The following TTC28 variants were observed in gnomAD, a reference collection of about 807,000 sequenced individuals.
TTC28 encodes the protein tetratricopeptide repeat protein 28.
Under a neutral mutation model 198.0 loss-of-function variants are expected in TTC28, and 61 were observed. That is an observed-to-expected ratio of 0.31 (90% CI 0.25 to 0.38). The LOEUF is 0.38. Among genes scored for constraint, TTC28 ranks in the 10% least tolerant of loss-of-function variants. The pLI, the probability that TTC28 is intolerant of heterozygous loss-of-function variation, is 1.00. For synonymous variants in TTC28, 1,171 were observed against 1,297.8 expected (o/e 0.90, Z 2.10); for missense variants, 2,678 against 3,164.0 (o/e 0.85, Z 3.69).
chr22:28,322,532 CT>C (rs1170950123), intron 2 of TTC28, among the ~76,000 whole-genome samples: 1 of 152,044 alleles, frequency 6.6e-6, no homozygotes, highest in East Asian at 1.9e-4. Context: ...CAAAAGGTGA[CT>C]TATAATATGT....
chr22:28,262,723 G>A (rs1385626857), intron 5 of TTC28, among the ~76,000 whole-genome samples: 1 of 152,188 alleles, frequency 6.6e-6, no homozygotes, highest in African/African-American at 2.4e-5. Flanking sequence ...CCAAGGAGCT[G>A]TGACTGACTC....
intron 5 of TTC28, among the ~76,000 whole-genome samples, chr22:28,239,421 T>C (rs1241674442): frequency 6.6e-6 from 1 of 152,146 alleles, no homozygotes; most frequent in African/African-American, 2.4e-5. Context: ...ATCAATGACT[T>C]TTCTTAAATC....
intron 6 of TTC28, among the ~76,000 whole-genome samples, chr22:28,149,135 T>A (rs1943546602): frequency 6.6e-6 from 1 of 152,212 alleles, no homozygotes; most frequent in Non-Finnish European, 1.5e-5. Context: ...AGCCTATTGT[T>A]CCTAGGCTAC....
intron 13 of TTC28, among the ~76,000 whole-genome samples, chr22:28,020,712 C>T (rs1938556526): frequency 1.3e-5 from 2 of 152,306 alleles, no homozygotes; most frequent in East Asian, 1.9e-4. Context: ...TTCCCATCCA[C>T]ACTCAGCTTA....
chr22:28,224,716 A>T (rs1316746884), intron 5 of TTC28, among the ~76,000 whole-genome samples: 2 of 152,160 alleles, frequency 1.3e-5, no homozygotes, highest in Non-Finnish European at 2.9e-5. Context: ...AGAAGCAAAT[A>T]TAAGAAAGTG....
intron 6 of TTC28, among the ~76,000 whole-genome samples, chr22:28,136,644 C>T (rs1943205747): frequency 6.6e-6 from 1 of 152,220 alleles, no homozygotes; most frequent in African/African-American, 2.4e-5. Context: ...GAGCATTCCA[C>T]TTCTGTGTCC....
chr22:28,102,417 C>T (rs1202783499), intron 8 of TTC28, among the ~76,000 whole-genome samples: 1 of 152,220 alleles, frequency 6.6e-6, no homozygotes, highest in Non-Finnish European at 1.5e-5. Flanking sequence ...GGGTCACTTA[C>T]CCACAGCAAG....
chr22:28,413,674 ACT>A (rs955039781), intron 2 of TTC28, among the ~76,000 whole-genome samples: 4 of 152,120 alleles, frequency 2.6e-5, no homozygotes, highest in African/African-American at 7.2e-5. Flanking sequence ...ATTTAAAAAC[ACT>A]CTGTCAAAAA....
intron 2 of TTC28, among the ~76,000 whole-genome samples, chr22:28,315,065 A>G (rs2045330967): frequency 6.6e-6 from 1 of 152,172 alleles, no homozygotes; most frequent in South Asian, 2.1e-4. Flanking sequence ...CATTAATAAT[A>G]TAGGTAGTCC....
At chr22:28,322,290 A>C (rs1300532312) in intron 2 of TTC28, among the ~76,000 whole-genome samples, 1 of 152,144 alleles carries the variant, frequency 6.6e-6, no homozygotes, top group African/African-American at 2.4e-5. Context: ...GTCTTTTCCA[A>C]ATAATGAACT....
At chr22:28,092,578 C>T (rs1228782448) in intron 12 of TTC28, among the ~76,000 whole-genome samples, 3 of 152,166 alleles carry the variant, frequency 2.0e-5, no homozygotes, top group African/African-American at 4.8e-5. Context: ...TGCTGGCCAG[C>T]CATGCCCCTC....
At chr22:28,141,948 G>A (rs1943346317) in intron 6 of TTC28, among the ~76,000 whole-genome samples, 1 of 151,916 alleles carries the variant, frequency 6.6e-6, no homozygotes, top group African/African-American at 2.4e-5. Flanking sequence ...TATAATTTTT[G>A]GTCATTTAAA....
chr22:28,385,374 A>T (rs1410244696), intron 2 of TTC28, among the ~76,000 whole-genome samples: 1 of 150,548 alleles, frequency 6.6e-6, no homozygotes, highest in Non-Finnish European at 1.5e-5. Flanking sequence ...CTAGGATTAC[A>T]AGGCTTCAGT....
intron 5 of TTC28, among the ~76,000 whole-genome samples, chr22:28,261,304 A>G (rs943915633): frequency 1.3e-5 from 2 of 152,210 alleles, no homozygotes; most frequent in East Asian, 3.8e-4. Flanking sequence ...TAAAGTAATG[A>G]TATAGTTAGT....
intron 2 of TTC28, among the ~76,000 whole-genome samples, chr22:28,320,754 G>A (rs1367876457): frequency 1.3e-5 from 2 of 152,144 alleles, no homozygotes; most frequent in African/African-American, 2.4e-5. Context: ...CTGCAGATTT[G>A]GCTAGAACAT....
chr22:28,230,282 C>A (rs1928703800), intron 5 of TTC28, among the ~76,000 whole-genome samples: 1 of 152,152 alleles, frequency 6.6e-6, no homozygotes, highest in Non-Finnish European at 1.5e-5. Flanking sequence ...CAGAAAGGCC[C>A]CTCCCAGCCA....
intron 2 of TTC28, among the ~76,000 whole-genome samples, chr22:28,391,706 C>T (rs879276691): frequency 6.6e-6 from 1 of 152,174 alleles, no homozygotes; most frequent in Non-Finnish European, 1.5e-5. Context: ...CTCCTTTAAG[C>T]ACTTCTCTGT....
intron 2 of TTC28, among the ~76,000 whole-genome samples, chr22:28,489,434 G>A (rs2048348702): frequency 6.6e-6 from 1 of 151,990 alleles, no homozygotes; most frequent in Non-Finnish European, 1.5e-5. Flanking sequence ...CACCCTGAAA[G>A]CATTTTAGAA....
chr22:28,625,198 C>G (rs970619450), intron 2 of TTC28, among the ~76,000 whole-genome samples: 2 of 151,978 alleles, frequency 1.3e-5, no homozygotes, highest in Non-Finnish European at 2.9e-5. Flanking sequence ...ATATGCTAAC[C>G]AGCGCAATAG....
Sources: gnomAD v4.1 joint callset for allele counts (sites outside exome capture counted in the v4.1 genomes callset) on GRCh38, gnomAD v4.1.1 for gene constraint, MANE v1.5 for transcripts, NCBI Gene and HGNC (gene_info 2026-07-23, HGNC 2026-07-21) for gene names.